Variants in UTS2B observed in about 807,000 individuals in gnomAD.
UTS2B encodes urotensin-2B.
Under a neutral mutation model 19.2 loss-of-function variants are expected in UTS2B, and 21 were observed. The ratio of observed to expected loss-of-function variants is 1.09; its 90% confidence interval spans 0.78 to 1.58. The LOEUF (loss-of-function observed/expected upper bound fraction) is 1.58. Ranked by LOEUF, UTS2B falls within the 40% of genes most tolerant of loss-of-function variation. UTS2B has a pLI of 0.00. For missense variants in UTS2B, 138 were observed against 130.3 expected (o/e 1.06, Z -0.29); for synonymous variants, 57 against 50.2 (o/e 1.14, Z -0.58).
chr3:191,326,074 T>C (rs1331547531), intron 2 of UTS2B, among the ~76,000 whole-genome samples: 1 of 152,206 alleles, frequency 6.6e-6, no homozygotes, highest in East Asian at 1.9e-4. Context: ...AGGAGACAGA[T>C]AATTCTTTCC....
chr3:191,313,308 A>T (rs1195384277), intron 3 of UTS2B, among the ~76,000 whole-genome samples: 2 of 152,122 alleles, frequency 1.3e-5, no homozygotes, highest in South Asian at 2.1e-4. Flanking sequence ...ACAATTTTTT[A>T]AAATGGTTGT....
intron 8 of UTS2B, among the ~76,000 whole-genome samples, chr3:191,274,590 T>C (rs1441930491): frequency 2.0e-5 from 3 of 152,212 alleles, no homozygotes; most frequent in Admixed American, 6.5e-5. Flanking sequence ...ATGTCTGGTA[T>C]ATGTTTAGGG....
upstream of UTS2B, among the ~76,000 whole-genome samples, chr3:191,332,304 C>A (rs925890930): frequency 6.6e-6 from 1 of 152,174 alleles, no homozygotes; most frequent in African/African-American, 2.4e-5. Context: ...AAAACACACA[C>A]ACATACACCT....
chr3:191,282,094 A>T lies in UTS2B; in HGVS notation c.96T>A (p.Leu32=), dbSNP rs1284864949. ...FLQSVHGRPY[L]TQGNEIFPDK... ...TAATTGATATGCACGTACCTTGGGT[A>T]AGATATGGTCGTCCATGCACAGATT... Residue 32 remains leucine (L), a synonymous_variant, in exon 5 of 9, where the codon CTT becomes CTA. Transcript: ENST00000340524. 1 of 1,609,076 alleles carries T rather than the reference A, an allele frequency of 6.2e-7. No individual in the cohort carries two copies. Among genetic ancestry groups the T allele is most frequent in the Admixed American group, 1.7e-5 (1 of 59,418 alleles).
At chr3:191,316,893 A>G (rs1489604857) in intron 2 of UTS2B, among the ~76,000 whole-genome samples, 1 of 152,244 alleles carries the variant, frequency 6.6e-6, no homozygotes, top group Non-Finnish European at 1.5e-5. Flanking sequence ...ACAATCCTCC[A>G]GCTAGACATA....
intron 4 of UTS2B, among the ~76,000 whole-genome samples, chr3:191,300,322 A>G (rs1008821466): frequency 6.6e-6 from 1 of 152,186 alleles, no homozygotes; most frequent in Non-Finnish European, 1.5e-5. Flanking sequence ...TGCTGGGATT[A>G]CAGGTGTGAG....
At chr3:191,293,964 C>T (rs766836534) in intron 4 of UTS2B, among the ~76,000 whole-genome samples, 6 of 151,616 alleles carry the variant, frequency 4.0e-5, no homozygotes, top group African/African-American at 9.7e-5. Flanking sequence ...CAAAATTAGC[C>T]GGGCGTGGTG....
intron 2 of UTS2B, among the ~76,000 whole-genome samples, chr3:191,327,494 GAAAC>G (rs1361175733): frequency 6.6e-6 from 1 of 152,190 alleles, no homozygotes; most frequent in Non-Finnish European, 1.5e-5. Context: ...AGGGACACTG[GAAAC>G]AAATTGTTTT....
At chr3:191,313,998 T>G (rs1717377720) in intron 3 of UTS2B, among the ~76,000 whole-genome samples, 1 of 152,202 alleles carries the variant, frequency 6.6e-6, no homozygotes, top group South Asian at 2.1e-4. Flanking sequence ...CCCAAAGTGC[T>G]GGGATTACAG....
chr3:191,291,307 A>G (rs944533682), intron 4 of UTS2B, among the ~76,000 whole-genome samples: 1 of 152,138 alleles, frequency 6.6e-6, no homozygotes, highest in Non-Finnish European at 1.5e-5. Context: ...GTTTTATTTG[A>G]AAAAAGTCCA....
At chr3:191,283,020 G>A (rs1056292867) in intron 4 of UTS2B, among the ~76,000 whole-genome samples, 8 of 151,960 alleles carry the variant, frequency 5.3e-5, no homozygotes, top group African/African-American at 1.9e-4. Context: ...AATGACCTCC[G>A]ATCTTGGCAT....
intron 4 of UTS2B, among the ~76,000 whole-genome samples, chr3:191,289,515 G>A (rs78879126): frequency 0.046 from 7,047 of 151,966 alleles, 508 homozygotes; most frequent in African/African-American, 0.16. Context: ...CCCAATGGCC[G>A]TGATATTGAA....
intron 8 of UTS2B, among the ~76,000 whole-genome samples, chr3:191,274,848 C>T (rs569973373): frequency 9.2e-5 from 14 of 152,250 alleles, no homozygotes; most frequent in African/African-American, 3.4e-4. Flanking sequence ...AAATTAAATG[C>T]TATGAATCGA....
intron 4 of UTS2B, among the ~76,000 whole-genome samples, chr3:191,300,140 T>C (rs1364672047): frequency 1.3e-5 from 2 of 152,124 alleles, no homozygotes; most frequent in African/African-American, 4.8e-5. Context: ...AACCACTGCC[T>C]CCTGGTTCAA....
rs139832435 is a variant in UTS2B at position 191,304,210 on chromosome 3, G to A, written c.-125+282C>T. Among the ~76,000 whole-genome samples, 42 of 152,188 alleles carry A rather than the reference G, an allele frequency of 2.8e-4. No individual in the cohort carries two copies. In the East Asian group the frequency reaches 7.0e-3, roughly 25 times the overall value. ...TGACCTCAAGTGATCCACCTGCCTC[G>A]GCCTCCCAAAGTGTTGGGATTACAG... On this transcript the variant is annotated intron_variant, in intron 4 of 8. Coordinates refer to ENST00000340524, the MANE Select transcript of UTS2B (RefSeq NM_198152.5).
rs1576928736 is a variant in UTS2B, at chr3:191,306,256, C to A, written c.-181-1708G>T. On this transcript the variant is annotated intron_variant, in intron 3 of 8. Transcript: ENST00000340524. ...GTATTGAATGTATACATTGGTTTTT[C>A]TTTTCCCTCACCATTTAAGATAAAG... Among the ~76,000 whole-genome samples, 5 of 152,232 alleles carry A rather than the reference C, an allele frequency of 3.3e-5. 1 individual carries two copies. The highest frequency in any genetic ancestry group is 5.9e-5 in the Non-Finnish European group (4 of 67,996).
At chr3:191,300,562 G>A (rs192998887) in intron 4 of UTS2B, among the ~76,000 whole-genome samples, 2 of 152,330 alleles carry the variant, frequency 1.3e-5, no homozygotes, top group East Asian at 3.9e-4. Flanking sequence ...GAGAAGGGAT[G>A]GCTGTATTGC....
intron 6 of UTS2B, 87 bp from the exon 7 acceptor site, chr3:191,276,931 G>A: frequency 8.5e-7 from 1 of 1,171,482 alleles, no homozygotes; most frequent in East Asian, 2.5e-5. Context: ...ATCTTACGTA[G>A]AAAGCATAGG....
intron 3 of UTS2B, among the ~76,000 whole-genome samples, chr3:191,308,184 C>T (rs955260702): frequency 6.6e-6 from 1 of 152,172 alleles, no homozygotes; most frequent in African/African-American, 2.4e-5. Context: ...GGGCCTTTAT[C>T]ACAATGAGAA....
Sources: gnomAD v4.1 joint callset for allele counts (sites outside exome capture counted in the v4.1 genomes callset) on GRCh38, gnomAD v4.1.1 for gene constraint, MANE v1.5 for transcripts, NCBI Gene and HGNC (gene_info 2026-07-23, HGNC 2026-07-21) for gene names.